AGAP1: variants seen among roughly 807,000 people sequenced by gnomAD.
AGAP1 encodes the protein arf-GAP with GTPase, ANK repeat and PH domain-containing protein 1.
In AGAP1, 29 loss-of-function variants were observed where a neutral mutation model predicts 105.3. That is an observed-to-expected ratio of 0.28 (90% CI 0.21 to 0.38). AGAP1 has a LOEUF of 0.38. Ranked by LOEUF, AGAP1 falls within the 10% of genes least tolerant of loss-of-function variation. The pLI is 1.00. For synonymous variants in AGAP1, 509 were observed against 485.9 expected (o/e 1.05, Z -0.63); for missense variants, 998 against 1,165.1 (o/e 0.86, Z 2.09).
chr2:235,950,399 C>T (rs933256958), intron 12 of AGAP1, among the ~76,000 whole-genome samples: 6 of 151,688 alleles, frequency 4.0e-5, no homozygotes, highest in African/African-American at 4.9e-5. Flanking sequence ...GAGCAAATGC[C>T]GGGAGTATAT....
chr2:235,520,899 T>G (rs886317924), intron 1 of AGAP1, among the ~76,000 whole-genome samples: 9 of 152,194 alleles, frequency 5.9e-5, no homozygotes, highest in Non-Finnish European at 1.0e-4. Flanking sequence ...GATCCCATCT[T>G]CTGCGTGTGG....
At chr2:235,956,978 G>A (rs564452481) in intron 12 of AGAP1, among the ~76,000 whole-genome samples, 8 of 152,154 alleles carry the variant, frequency 5.3e-5, no homozygotes, top group South Asian at 2.1e-4. Flanking sequence ...TTAATACAAC[G>A]ACCTCTCCCA....
intron 16 of AGAP1, among the ~76,000 whole-genome samples, chr2:236,077,142 AATAT>A (rs1340264497): frequency 9.4e-6 from 1 of 106,638 alleles, no homozygotes; most frequent in Non-Finnish European, 1.9e-5. Flanking sequence ...AAAAAAAAAA[AATAT>A]ATATATATAT....
chr2:235,873,982 A>C (rs547256210), intron 9 of AGAP1, among the ~76,000 whole-genome samples: 1 of 152,036 alleles, frequency 6.6e-6, no homozygotes, highest in East Asian at 1.9e-4. Context: ...CCTCGCCTCC[A>C]TCTCCCAAAG....
Position 235,877,203 on chromosome 2 carries a change from GATA to G in AGAP1, c.1051-6136_1051-6134del, listed in dbSNP as rs2049789033. Reference sequence around the variant, plus strand: ...CCTTCAACATTGATTTAACTGTTTTGATAATAATTATGCAGTTAGGTACAAGCA... The same window carrying G: ...CCTTCAACATTGATTTAACTGTTTTGATAATTATGCAGTTAGGTACAAGCA... On this transcript the variant is annotated intron_variant, in intron 9 of 17. Transcript: ENST00000304032. The surrounding 1 kb of genome is among the most constrained non-coding windows in gnomAD (Gnocchi z 4.3). Among the ~76,000 whole-genome samples the G allele has an allele frequency of 6.6e-6, 1 of 152,076 alleles. No homozygotes were observed. The highest frequency in any genetic ancestry group is 2.4e-5 in the African/African-American group (1 of 41,398).
chr2:235,597,603 T>A (rs1248518468), intron 1 of AGAP1, among the ~76,000 whole-genome samples: 2 of 152,218 alleles, frequency 1.3e-5, no homozygotes, highest in African/African-American at 4.8e-5. Context: ...ATTTTAGGGT[T>A]ACCCAAAAAT....
rs71400786 is a variant in AGAP1 at position 235,784,598 on chromosome 2, CAAA to C, written c.674-13145_674-13143del. Among the ~76,000 whole-genome samples the C allele has an allele frequency of 2.4e-3, 302 of 124,430 alleles. 3 individuals are homozygous for C. Among genetic ancestry groups the C allele is most frequent in the East Asian group, 0.023 (103 of 4,510 alleles). 81.6% of individuals were successfully genotyped at this position (124,430 alleles called of 152,430 possible). Reference sequence around the variant, plus strand: ...TGATAAACTTAATTTCTTATTAAAGCAAAAAAAAAAAAAAAAAACCATGAAAAG... The same window carrying C: ...TGATAAACTTAATTTCTTATTAAAGCAAAAAAAAAAAAAAACCATGAAAAG... On this transcript the variant is annotated intron_variant, in intron 6 of 17. Coordinates refer to ENST00000304032, the MANE Select transcript of AGAP1 (RefSeq NM_001037131.3).
chr2:235,771,245 G>T (rs1955420983), intron 6 of AGAP1, among the ~76,000 whole-genome samples: 1 of 152,218 alleles, frequency 6.6e-6, no homozygotes, highest in Admixed American at 6.5e-5. Flanking sequence ...TAGAGCAGCT[G>T]CAGGAAGCTA....
chr2:236,032,763 A>C (rs2057264058), intron 13 of AGAP1, among the ~76,000 whole-genome samples: 1 of 152,142 alleles, frequency 6.6e-6, no homozygotes, highest in Admixed American at 6.5e-5. Flanking sequence ...CAAGAGAGTG[A>C]GGAAACCATG....
intron 9 of AGAP1, among the ~76,000 whole-genome samples, chr2:235,817,795 G>T (rs758051518): frequency 6.6e-6 from 1 of 152,176 alleles, no homozygotes; most frequent in Non-Finnish European, 1.5e-5. Context: ...GGAGCCTGAG[G>T]CAGGAGAATC....
Position 235,717,642 on chromosome 2 carries a change from A to C in AGAP1, c.308A>C (p.Glu103Ala), listed in dbSNP as rs1951185943. ...ACATATGTCCAGGAGGAGTCTCCGG[A>C]AGGTATGCTGTTTGGCAGGCAGTTG... ...TGTYVQEESP[E>A]GGRFKKEIVV... Residue 103 changes from glutamate to alanine, a missense_variant and splice_region_variant, in exon 3 of 18, where the codon GAA (glutamate) becomes GCA (alanine). Glu to Ala is a moderately radical substitution (Grantham distance 107). This residue lies in a region of AGAP1 where 735 missense variants were observed against 833.4 expected (regional missense o/e 0.88). Transcript: ENST00000304032. 6.2e-7 allele frequency: 1 copy of C among 1,600,606 alleles called. No homozygotes were observed. The highest frequency in any genetic ancestry group is 1.1e-5 in the South Asian group (1 of 87,332).
chr2:236,009,612 A>G lies in AGAP1; in HGVS notation c.1646-26949A>G, dbSNP rs186744779. ...CTCCCTTCTATGAATAGAGAGGGCT[A>G]TTTGTTTCATTCAAAGACAAGACAT... On this transcript the variant is annotated intron_variant, in intron 13 of 17. Coordinates refer to ENST00000304032, the MANE Select transcript of AGAP1 (RefSeq NM_001037131.3). This position sits in a 1 kb window ranked among gnomAD's most constrained non-coding sequence, Gnocchi z 4.2. Among the ~76,000 whole-genome samples the G allele has an allele frequency of 2.6e-3, 402 of 152,298 alleles. 3 individuals are homozygous for G. The highest frequency in any genetic ancestry group is 9.0e-3 in the African/African-American group (375 of 41,562).
rs992663133 is a variant in AGAP1 at position 236,040,698 on chromosome 2, G to C, written c.1801-53G>C. On this transcript the variant is annotated intron_variant, in intron 14 of 17. Transcript: ENST00000304032. The surrounding 1 kb of genome is among the most constrained non-coding windows in gnomAD (Gnocchi z 5.6). Reference sequence around the variant, plus strand: ...CTTTCCCTGATGTTATCAGTGATGTGCGTTTCTCCCGGGGTGCTTACGCCT... The same window carrying C: ...CTTTCCCTGATGTTATCAGTGATGTCCGTTTCTCCCGGGGTGCTTACGCCT... 6.4e-7 allele frequency: 1 copy of C among 1,559,696 alleles called. No homozygotes were observed.
intron 1 of AGAP1, among the ~76,000 whole-genome samples, chr2:235,672,994 A>C (rs938399707): frequency 6.6e-6 from 1 of 152,224 alleles, no homozygotes; most frequent in East Asian, 1.9e-4. Context: ...TTGTATAGAA[A>C]AACGGAAATT....
At position 235,799,274 on chromosome 2, in the gene AGAP1, T is replaced by C; in HGVS notation, c.802-93T>C. 2 of 1,430,450 alleles carry C rather than the reference T, an allele frequency of 1.4e-6. No individual in the cohort carries two copies. The highest frequency in any genetic ancestry group is 1.9e-6 in the Non-Finnish European group (2 of 1,039,724). 88.6% of individuals were successfully genotyped at this position (1,430,450 alleles called of 1,614,324 possible). ...TTCCCATGCATCCCTTCCATGGGGC[T>C]CATGCTCACTTGTTGGTTATGACCT... On this transcript the variant is annotated intron_variant, in intron 7 of 17. Coordinates refer to ENST00000304032, the MANE Select transcript of AGAP1 (RefSeq NM_001037131.3). The surrounding 1 kb of genome is among the most constrained non-coding windows in gnomAD (Gnocchi z 5.0).
At chr2:235,594,882 T>TG (rs1012844756) in intron 1 of AGAP1, among the ~76,000 whole-genome samples, 2 of 120,504 alleles carry the variant, frequency 1.7e-5, no homozygotes, top group African/African-American at 6.8e-5. Context: ...CCCAGATTGC[T>TG]GTTTTTTTTT....
intron 1 of AGAP1, among the ~76,000 whole-genome samples, chr2:235,706,515 G>A (rs766654599): frequency 5.9e-5 from 9 of 152,080 alleles, no homozygotes; most frequent in Non-Finnish European, 8.8e-5. Context: ...CACCGCGCCC[G>A]GCCAAGCGTA....
Position 235,874,720 on chromosome 2 carries a change from G to A in AGAP1, c.1051-8625G>A, listed in dbSNP as rs1575667323. ...ATTCTGGAAATTTCAAGAGAACCTG[G>A]ACATGTGAATGTGAAAGAGAAGGCA... On this transcript the variant is annotated intron_variant, in intron 9 of 17. Transcript: ENST00000304032. The surrounding 1 kb of genome is among the most constrained non-coding windows in gnomAD (Gnocchi z 4.5). Among the ~76,000 whole-genome samples, 1 of 152,114 alleles carries A rather than the reference G, an allele frequency of 6.6e-6. No homozygotes were observed. Among genetic ancestry groups the A allele is most frequent in the East Asian group, 1.9e-4 (1 of 5,174 alleles).
intron 1 of AGAP1, among the ~76,000 whole-genome samples, chr2:235,626,984 T>C (rs1359885164): frequency 2.6e-5 from 4 of 151,636 alleles, no homozygotes; most frequent in Admixed American, 6.6e-5. Flanking sequence ...TTCCAGCGCA[T>C]AGATATGTTG....
Sources: gnomAD v4.1 joint callset for allele counts (sites outside exome capture counted in the v4.1 genomes callset) on GRCh38, gnomAD v4.1.1 for gene constraint, gnomAD v4.1.1 regional missense constraint, Gnocchi (gnomAD v3.1) non-coding constraint, MANE v1.5 for transcripts, NCBI Gene and HGNC (gene_info 2026-07-23, HGNC 2026-07-21) for gene names.